Variants in THBS3 observed in about 807,000 individuals in gnomAD.
THBS3 encodes the protein thrombospondin 3.
Under a neutral mutation model 118.3 loss-of-function variants are expected in THBS3, and 78 were observed. The observed-to-expected ratio is 0.66, with a 90% confidence interval of 0.55 to 0.80. The LOEUF (loss-of-function observed/expected upper bound fraction) is 0.80. THBS3 is among the 30% of genes least tolerant of loss of function. The pLI is 0.00. For missense variants in THBS3, 1,057 were observed against 1,247.4 expected (o/e 0.85, Z 2.30); for synonymous variants, 427 against 475.3 (o/e 0.90, Z 1.32).
intron 21 of THBS3, 175 bp downstream of exon 21, chr1:155,196,866 A>G: frequency 3.2e-6 from 2 of 631,110 alleles, no homozygotes; most frequent in Non-Finnish European, 5.5e-6. Context: ...AAAATGGGTC[A>G]TGGAGGAGTG....
Position 155,197,675 on chromosome 1 carries a change from G to T in THBS3, c.2303-16C>A. 6.5e-5 allele frequency: 54 copies of T among 831,614 alleles called. No individual in the cohort carries two copies. Among genetic ancestry groups the T allele is most frequent in the Non-Finnish European group, 9.9e-5 (51 of 512,684 alleles). The allele number at this position is 831,614 out of a possible 1,614,324, so 51.5% of individuals were successfully genotyped here. On this transcript the variant is annotated splice_polypyrimidine_tract_variant and intron_variant, in intron 19 of 22. Transcript: ENST00000368378. This position sits in a 1 kb window ranked among gnomAD's most constrained non-coding sequence, Gnocchi z 5.0. ...GCCGTGTATCCTGGGGTGGGGGTGG[G>T]ATAAAGGTCAGGGGCAGCAAAGCTA...
intron 11 of THBS3, 79 bp from the exon 12 acceptor site, chr1:155,201,283 A>G (rs1669675428): frequency 6.3e-6 from 10 of 1,595,464 alleles, no homozygotes; most frequent in Non-Finnish European, 6.8e-6. Context: ...TTCAGGTCCT[A>G]TTCTCCCCAC....
chr1:155,200,624 TGGGAG>T lies in THBS3; in HGVS notation c.1549-19_1549-15del, dbSNP rs778537595. 1 of 1,525,012 alleles carries T rather than the reference TGGGAG, an allele frequency of 6.6e-7. No homozygotes were observed. The highest frequency in any genetic ancestry group is 1.1e-5 in the South Asian group (1 of 88,790). 94.5% of individuals were successfully genotyped at this position (1,525,012 alleles called of 1,614,324 possible). ...CCGGCAGTTGTCCTGGGCAGAGGGGTGGGAGGGGAAGGGTCAGGTCTCCCCTAAAT... is the reference window on the plus strand; with the variant it reads ...CCGGCAGTTGTCCTGGGCAGAGGGGTGGGAAGGGTCAGGTCTCCCCTAAAT... On this transcript the variant is annotated splice_polypyrimidine_tract_variant and intron_variant, in intron 13 of 22. Transcript: ENST00000368378.
At chr1:155,205,623 CAA>C (rs985505461) in intron 2 of THBS3, 37 of 331,966 alleles carry the variant, frequency 1.1e-4, no homozygotes, top group African/African-American at 7.6e-4. Context: ...ACTAAAAATA[CAA>C]AAGTTAGCCA....
chr1:155,200,715 T>G, intron 13 of THBS3, 105 bp from the exon 14 acceptor site: 2 of 1,561,656 alleles, frequency 1.3e-6, no homozygotes, highest in Non-Finnish European at 1.7e-6. Context: ...ACCCTTGTGA[T>G]GGACAAACTG....
rs1668603472 is a variant in THBS3 at position 155,196,007 on chromosome 1, T to C, written c.2792A>G (p.Asn931Ser). 6.2e-7 allele frequency: 1 copy of C among 1,614,138 alleles called. No individual in the cohort carries two copies. Among genetic ancestry groups the C allele is most frequent in the Non-Finnish European group, 8.5e-7 (1 of 1,180,014 alleles). ...CFSQENIIWS[N>S]LQYRCNDTVP... Reference sequence around the variant, plus strand: ...CTCACCATTGCATCGATACTGGAGATTGGACCAAATTATGTTTTCTTGGGA... The same window carrying C: ...CTCACCATTGCATCGATACTGGAGACTGGACCAAATTATGTTTTCTTGGGA... The change falls in exon 22 of 23, where the codon AAT becomes AGT. Residue 931 changes from asparagine (N) to serine (S), a missense_variant. Transcript: ENST00000368378.
At chr1:155,208,722 C>G (rs1670891884), upstream of THBS3, 1 of 1,381,194 alleles carries the variant, frequency 7.2e-7, no homozygotes, top group Admixed American at 3.0e-5. Context: ...GCCTCCGCTC[C>G]GGCCGCCGCC....
chr1:155,199,920 A>G, intron 15 of THBS3, 64 bp from the exon 16 acceptor site: 1 of 1,612,270 alleles, frequency 6.2e-7, no homozygotes, highest in Non-Finnish European at 8.5e-7. Context: ...TGATCTGACC[A>G]CTTTCCATCC....
Position 155,205,149 on chromosome 1 carries a change from C to T in THBS3, c.454G>A (p.Ala152Thr), listed in dbSNP as rs375889614. 2 of 1,614,202 alleles carry T rather than the reference C, an allele frequency of 1.2e-6. No homozygotes were observed. Among genetic ancestry groups the T allele is most frequent in the Non-Finnish European group, 1.7e-6 (2 of 1,180,042 alleles). ...ATGGGGGCCAGTGCTGGAAGGCCTGCATGTTGGTCACCCAGTTTGCAGTCC... is the reference window on the plus strand; with the variant it reads ...ATGGGGGCCAGTGCTGGAAGGCCTGTATGTTGGTCACCCAGTTTGCAGTCC... The part of the protein sequence containing the change: ...YVDCKLGDQH[A>T]GLPALAPIPP... The change falls in exon 3 of 23, where the codon GCA (alanine) becomes ACA (threonine). Residue 152 changes from alanine to threonine, a missense_variant. This residue lies in a region of THBS3 where 206 missense variants were observed against 205.7 expected (regional missense o/e 1.00). Transcript: ENST00000368378.
chr1:155,197,659 C>G lies in THBS3; in HGVS notation c.2303G>C (p.Gly768Ala). The change falls in exon 20 of 23, where the codon GGA becomes GCA. Residue 768 changes from glycine to alanine, a missense_variant and splice_region_variant. This residue lies in a region of THBS3 where 307 missense variants were observed against 326.1 expected (regional missense o/e 0.94). Transcript: ENST00000368378. The surrounding 1 kb of genome is among the most constrained non-coding windows in gnomAD (Gnocchi z 5.0). Reference sequence around the variant, plus strand: ...GTCCACACCATTGAAGGCCGTGTATCCTGGGGTGGGGGTGGGATAAAGGTC... The same window carrying G: ...GTCCACACCATTGAAGGCCGTGTATGCTGGGGTGGGGGTGGGATAAAGGTC... ...TMNSDPGLAV[G>A]YTAFNGVDFE... The G allele has an allele frequency of 2.5e-6, 2 of 784,680 alleles. No individual in the cohort carries two copies. Among genetic ancestry groups the G allele is most frequent in the Middle Eastern group, 2.6e-4 (1 of 3,858 alleles). The allele number at this position is 784,680 out of a possible 1,614,324, so 48.6% of individuals were successfully genotyped here.
At position 155,202,603 on chromosome 1, in the gene THBS3, C is replaced by G. The variant is rs1369408952; in HGVS notation, c.958-202G>C. Among the ~76,000 whole-genome samples, 1 of 152,196 alleles carries G rather than the reference C, an allele frequency of 6.6e-6. No individual in the cohort carries two copies. The highest frequency in any genetic ancestry group is 1.5e-5 in the Non-Finnish European group (1 of 68,030). On this transcript the variant is annotated intron_variant, in intron 8 of 22. Transcript: ENST00000368378. This position sits in a 1 kb window ranked among gnomAD's most constrained non-coding sequence, Gnocchi z 5.5. The stretch of plus-strand genomic sequence containing the variant: ...GCCACTGGTCACCATCTCAAGCCTC[C>G]CCTGCAGTTTCCCCAGCTCCTTCCC...
In THBS3 at chr1:155,200,960, A is replaced by T. The variant is rs771397759; in HGVS notation, c.1485T>A (p.Asp495Glu). 6.2e-7 allele frequency: 1 copy of T among 1,614,166 alleles called. No homozygotes were observed. Residue 495 changes from aspartate (D) to glutamate (E), a missense_variant, in exon 13 of 23, where the codon GAT becomes GAA. Coordinates refer to ENST00000368378, the MANE Select transcript of THBS3 (RefSeq NM_007112.5). ...CACACTGGTCCCCCACACCATCATT[A>T]TCAGCATCTTCCTGCCCAGAGTTGG... ...LTPNSGQEDA[D>E]NDGVGDQCDD...
chr1:155,203,141 G>A lies in THBS3; in HGVS notation c.757-4C>T. ...GGATCAGGGACATTTCCTTCACCTG[G>A]AGAAGGATGGGGAGGAGTCAGCACT... On this transcript the variant is annotated splice_region_variant and splice_polypyrimidine_tract_variant and intron_variant, in intron 6 of 22. Transcript: ENST00000368378. 1 of 1,614,222 alleles carries A rather than the reference G, an allele frequency of 6.2e-7. No homozygotes were observed. Among genetic ancestry groups the A allele is most frequent in the Non-Finnish European group, 8.5e-7 (1 of 1,180,046 alleles).
chr1:155,201,121 G>A lies in THBS3; in HGVS notation c.1413C>T (p.Cys471=), dbSNP rs762823525. 2.5e-6 allele frequency: 4 copies of A among 1,614,068 alleles called. No homozygotes were observed. In the Admixed American group the frequency reaches 6.7e-5, roughly 27 times the overall value. Residue 471 remains cysteine, a synonymous_variant, in exon 12 of 23, where the codon TGC becomes TGT. Coordinates refer to ENST00000368378, the MANE Select transcript of THBS3 (RefSeq NM_007112.5). The part of the protein sequence containing the change: ...IDGYPDQALP[C]MDNNKHCKQD... ...GTTTGCAGTGTTTGTTGTTGTCCAT[G>A]CAGGGCAGTGCTTGGTCTGGGTAGC... is the stretch of plus-strand genomic sequence containing the variant.
At chr1:155,204,599 A>T (rs184387548) in intron 4 of THBS3, among the ~76,000 whole-genome samples, 15 of 151,924 alleles carry the variant, frequency 9.9e-5, no homozygotes, top group Middle Eastern at 6.8e-3. Flanking sequence ...AAAAAAAAAA[A>T]TACTCGAGAC....
chr1:155,197,526 G>C lies in THBS3; in HGVS notation c.2436C>G (p.Thr812=). ...GRFYVVMWKQ[T]EQTYWQATPF... is the part of the protein sequence containing the mutation. The stretch of plus-strand genomic sequence containing the variant: ...GTGTAGCCTGCCAGTAGGTCTGCTC[G>C]GTCTGCTTCCACATGACTACGTAGA... Residue 812 remains threonine (T), a synonymous_variant, in exon 20 of 23, where the codon ACC becomes ACG. Coordinates refer to ENST00000368378, the MANE Select transcript of THBS3 (RefSeq NM_007112.5). This position sits in a 1 kb window ranked among gnomAD's most constrained non-coding sequence, Gnocchi z 5.0. The C allele has an allele frequency of 6.2e-7, 1 of 1,614,104 alleles. No individual in the cohort carries two copies. Among genetic ancestry groups the C allele is most frequent in the Non-Finnish European group, 8.5e-7 (1 of 1,180,016 alleles).
chr1:155,201,805 C>G, intron 10 of THBS3, 152 bp downstream of exon 10: 1 of 1,201,960 alleles, frequency 8.3e-7, no homozygotes, highest in Non-Finnish European at 1.2e-6. Context: ...AGAGGCAAAC[C>G]AGTATTCCAA....
In THBS3 at chr1:155,203,388, C is replaced by T. The variant is rs148705709; in HGVS notation, c.674-83G>A. The T allele has an allele frequency of 9.7e-5, 154 of 1,584,222 alleles. No individual in the cohort carries two copies. In the East Asian group the frequency reaches 9.8e-4, roughly 10 times the overall value. ...ATGGGCAATAAGCCAGTACCTGCCA[C>T]GGCTGCCCACCCCTGCCTTTAAACC... is the stretch of plus-strand genomic sequence containing the variant. On this transcript the variant is annotated intron_variant, in intron 5 of 22. Transcript: ENST00000368378.
chr1:155,207,902 G>A (rs373627350), upstream of THBS3: 3 of 1,611,240 alleles, frequency 1.9e-6, no homozygotes, highest in Non-Finnish European at 2.5e-6. Flanking sequence ...CACTACCCCT[G>A]GCAGGCAGGC....
Sources: allele counts gnomAD v4.1 joint callset (sites outside exome capture counted in the v4.1 genomes callset), GRCh38; gene constraint gnomAD v4.1.1; regional missense constraint gnomAD v4.1.1; non-coding constraint Gnocchi (gnomAD v3.1); transcripts MANE v1.5; gene names NCBI Gene and HGNC (gene_info 2026-07-23, HGNC 2026-07-21).